GRIK1: variants seen among roughly 807,000 people sequenced by gnomAD.
GRIK1 encodes the protein glutamate receptor ionotropic, kainate 1.
A neutral mutation model predicts 105.7 loss-of-function variants in GRIK1; 69 were observed. The ratio of observed to expected loss-of-function variants is 0.65; its 90% CI spans 0.54 to 0.80. The LOEUF is 0.80. Among genes scored for constraint, GRIK1 ranks in the 30% least tolerant of loss-of-function variants. The pLI, the probability that GRIK1 is intolerant of heterozygous loss-of-function variation, is 0.00. For missense variants in GRIK1, 1,109 were observed against 1,167.3 expected, an observed-to-expected ratio of 0.95 and a Z score of 0.73; for synonymous variants, 438 against 431.3, an observed-to-expected ratio of 1.02 and a Z score of -0.19.
intron 9 of GRIK1, among the ~76,000 whole-genome samples, chr21:29,594,434 G>A (rs972089339): frequency 2.0e-5 from 3 of 152,042 alleles, no homozygotes; most frequent in African/African-American, 7.3e-5. Context: ...CCAGGGAGCG[G>A]AACCTCAGTT....
chr21:29,577,762 C>T (rs1205163223), intron 13 of GRIK1, among the ~76,000 whole-genome samples: 1 of 151,956 alleles, frequency 6.6e-6, no homozygotes, highest in Admixed American at 6.6e-5. Flanking sequence ...ATTCTTTTTT[C>T]TACTGTAGAT....
chr21:29,623,676 T>C (rs2062058509), intron 7 of GRIK1, among the ~76,000 whole-genome samples: 1 of 152,216 alleles, frequency 6.6e-6, no homozygotes, highest in South Asian at 2.1e-4. Context: ...ATGAATATTG[T>C]TTAGCTTGAG....
chr21:29,822,737 G>C (rs1317987062), intron 1 of GRIK1, among the ~76,000 whole-genome samples: 1 of 151,966 alleles, frequency 6.6e-6, no homozygotes, highest in Non-Finnish European at 1.5e-5. Context: ...ATACAGCAGA[G>C]AGATCAAAGA....
intron 3 of GRIK1, among the ~76,000 whole-genome samples, chr21:29,679,387 A>C (rs1311440350): frequency 6.6e-6 from 1 of 152,214 alleles, no homozygotes. Flanking sequence ...TTGATGTGTT[A>C]TAAATTCAGG....
At chr21:29,701,752 AT>A (rs1192555054) in intron 1 of GRIK1, among the ~76,000 whole-genome samples, 1 of 152,206 alleles carries the variant, frequency 6.6e-6, no homozygotes, top group Non-Finnish European at 1.5e-5. Flanking sequence ...GTAAGAGTCT[AT>A]TTCAGTAATC....
chr21:29,754,003 T>G (rs1204124305), intron 1 of GRIK1, among the ~76,000 whole-genome samples: 1 of 152,114 alleles, frequency 6.6e-6, no homozygotes, highest in Non-Finnish European at 1.5e-5. Flanking sequence ...CAAAGTTAGG[T>G]ATCCTTTACT....
At chr21:29,706,163 C>A (rs1568996401) in intron 1 of GRIK1, among the ~76,000 whole-genome samples, 1 of 152,172 alleles carries the variant, frequency 6.6e-6, no homozygotes, top group Non-Finnish European at 1.5e-5. Context: ...CATGAGCCAC[C>A]ATGCGTGGCC....
chr21:29,872,263 G>A (rs192240432), intron 1 of GRIK1, among the ~76,000 whole-genome samples: 9 of 147,020 alleles, frequency 6.1e-5, no homozygotes, highest in Middle Eastern at 3.6e-3. Flanking sequence ...GTGCGATCTT[G>A]GCTCACTGCA....
intron 9 of GRIK1, among the ~76,000 whole-genome samples, chr21:29,595,352 T>TC (rs2061393080): frequency 6.6e-6 from 1 of 151,620 alleles, no homozygotes; most frequent in South Asian, 2.1e-4. Flanking sequence ...TTTTTTTTTT[T>TC]TTTTTCTTTT....
intron 4 of GRIK1, among the ~76,000 whole-genome samples, chr21:29,666,083 A>G (rs1297945845): frequency 6.6e-6 from 1 of 152,218 alleles, no homozygotes; most frequent in Non-Finnish European, 1.5e-5. Context: ...CTGCACATGT[A>G]CCCCTGAACT....
At chr21:29,557,226 T>G (rs778638716) in intron 15 of GRIK1, among the ~76,000 whole-genome samples, 1 of 152,140 alleles carries the variant, frequency 6.6e-6, no homozygotes, top group Non-Finnish European at 1.5e-5. Context: ...TAGTACACCC[T>G]GGTTTTCTCT....
intron 16 of GRIK1, among the ~76,000 whole-genome samples, chr21:29,547,138 T>G (rs1274335893): frequency 6.6e-6 from 1 of 152,236 alleles, no homozygotes; most frequent in Non-Finnish European, 1.5e-5. Flanking sequence ...GTCTGTAGGC[T>G]CATTAAGGTC....
chr21:29,614,830 T>A (rs1192214991), intron 7 of GRIK1, among the ~76,000 whole-genome samples: 1 of 151,592 alleles, frequency 6.6e-6, no homozygotes, highest in Non-Finnish European at 1.5e-5. Context: ...ACTATGTAGA[T>A]GCTTCCCCAG....
At chr21:29,829,056 G>T (rs1473678854) in intron 1 of GRIK1, among the ~76,000 whole-genome samples, 1 of 152,114 alleles carries the variant, frequency 6.6e-6, no homozygotes, top group Non-Finnish European at 1.5e-5. Flanking sequence ...TTTTAAGGCT[G>T]ATTTGAACGC....
chr21:29,561,930 C>A, intron 14 of GRIK1, 81 bp from the exon 15 acceptor site: 1 of 763,034 alleles, frequency 1.3e-6, no homozygotes, highest in Non-Finnish European at 2.3e-6. Flanking sequence ...CCCAATGGTT[C>A]AAATAATGAT....
rs188245722 is a variant in GRIK1, at chr21:29,706,120, C to T, written c.119-12057G>A. On this transcript the variant is annotated intron_variant, in intron 1 of 17. Coordinates refer to ENST00000327783, the MANE Select transcript of GRIK1 (RefSeq NM_001330994.2). ...AACTCCTGACCTCAGATGATCTGTC[C>T]GCCTCGGCCTCCCAAAGCGCTGGGA... Among the ~76,000 whole-genome samples the T allele has an allele frequency of 2.2e-3, 333 of 152,134 alleles. 1 individual carries two copies. Among genetic ancestry groups the T allele is most frequent in the African/African-American group, 7.4e-3 (306 of 41,518 alleles).
At chr21:29,684,027 C>G (rs2063432741) in intron 3 of GRIK1, among the ~76,000 whole-genome samples, 1 of 152,238 alleles carries the variant, frequency 6.6e-6, no homozygotes, top group South Asian at 2.1e-4. Flanking sequence ...TTACATAAAA[C>G]TGTATACCTC....
chr21:29,560,400 C>CTTTCTTTCTTTCTTTCTTTCTTTCTTT (rs1601112863), intron 15 of GRIK1, among the ~76,000 whole-genome samples: 5 of 67,096 alleles, frequency 7.5e-5, no homozygotes, highest in African/African-American at 3.7e-4. Context: ...TTCCTTCCTT[C>CTTTCTTTCTTTCTTTCTTTCTTTCTTT]CTTTCTTTCT....
At chr21:29,634,456 A>G (rs1439164392) in intron 7 of GRIK1, among the ~76,000 whole-genome samples, 2 of 152,218 alleles carry the variant, frequency 1.3e-5, no homozygotes, top group Non-Finnish European at 2.9e-5. Context: ...CTATTTATAT[A>G]GTTTAAAATT....
Sources: allele counts gnomAD v4.1 joint callset (sites outside exome capture counted in the v4.1 genomes callset), GRCh38; gene constraint gnomAD v4.1.1; transcripts MANE v1.5; gene names NCBI Gene and HGNC (gene_info 2026-07-23, HGNC 2026-07-21).